WDR41: variants seen among roughly 807,000 people sequenced by gnomAD.
The protein encoded by WDR41 is WD repeat-containing protein 41.
A neutral mutation model predicts 69.3 loss-of-function variants in WDR41; 63 were observed. The observed-to-expected ratio is 0.91, with a 90% CI of 0.74 to 1.12. The LOEUF is 1.12. Ranked by LOEUF, WDR41 falls within the 50% of genes most tolerant of loss-of-function variation. WDR41 has a pLI of 0.00. For synonymous variants in WDR41, 185 were observed against 192.1 expected (o/e 0.96, Z 0.31); for missense variants, 543 against 534.5 (o/e 1.02, Z -0.16).
At chr5:77,517,687 G>C (rs2112184864) in intron 1 of WDR41, among the ~76,000 whole-genome samples, 1 of 149,450 alleles carries the variant, frequency 6.7e-6, no homozygotes, top group Non-Finnish European at 1.5e-5. Context: ...AGCGGAAAGA[G>C]AAAAAGGATG....
chr5:77,571,894 A>G (rs1293166954), intron 1 of WDR41, among the ~76,000 whole-genome samples: 1 of 152,164 alleles, frequency 6.6e-6, no homozygotes, highest in Non-Finnish European at 1.5e-5. Flanking sequence ...AAAGGGGGAA[A>G]GTGTTTTTCC....
intron 4 of WDR41, among the ~76,000 whole-genome samples, 163 bp from the exon 5 acceptor site, chr5:77,459,287 G>A (rs1243373695): frequency 6.6e-6 from 1 of 152,040 alleles, no homozygotes; most frequent in Non-Finnish European, 1.5e-5. Context: ...TTCATATAGT[G>A]AGTCATCAAC....
intron 1 of WDR41, among the ~76,000 whole-genome samples, chr5:77,601,928 T>A (rs556971656): frequency 1.3e-5 from 2 of 152,344 alleles, no homozygotes; most frequent in Non-Finnish European, 2.9e-5. Flanking sequence ...TTTGAATCCA[T>A]TAGCTCAAGT....
At chr5:77,447,264 T>C (rs145614068) in intron 8 of WDR41, among the ~76,000 whole-genome samples, 2,590 of 152,216 alleles carry the variant, frequency 0.017, 66 homozygotes, top group African/African-American at 0.056. Context: ...CAGGAAACCA[T>C]AGATGCTGAC....
intron 1 of WDR41, among the ~76,000 whole-genome samples, chr5:77,517,631 C>CGTATATATATATATATATATAT (rs1279821785): frequency 5.0e-5 from 7 of 141,138 alleles, no homozygotes; most frequent in African/African-American, 1.9e-4. Context: ...ATTTATTGAA[C>CGTATATATATATATATATATAT]ATATATATAT....
chr5:77,531,944 TA>T (rs1271407820), intron 1 of WDR41, among the ~76,000 whole-genome samples: 1 of 151,922 alleles, frequency 6.6e-6, no homozygotes, highest in Non-Finnish European at 1.5e-5. Context: ...TGCCAGGGAC[TA>T]GGGGGAGGGA....
At chr5:77,564,799 C>G (rs1473704723) in intron 1 of WDR41, among the ~76,000 whole-genome samples, 1 of 152,132 alleles carries the variant, frequency 6.6e-6, no homozygotes, top group East Asian at 1.9e-4. Context: ...AGAATATGCA[C>G]TGTTAAGTGA....
intron 1 of WDR41, among the ~76,000 whole-genome samples, chr5:77,569,711 G>A (rs1024538932): frequency 1.3e-5 from 2 of 152,140 alleles, no homozygotes; most frequent in African/African-American, 2.4e-5. Flanking sequence ...TGTAAATGTC[G>A]TATATAATAG....
chr5:77,472,072 A>G (rs1027350557), intron 2 of WDR41, among the ~76,000 whole-genome samples: 1 of 152,218 alleles, frequency 6.6e-6, no homozygotes, highest in Non-Finnish European at 1.5e-5. Flanking sequence ...AAGCTTATCC[A>G]CCATGATCAA....
At chr5:77,514,620 A>G (rs528610259) in intron 1 of WDR41, among the ~76,000 whole-genome samples, 1 of 152,172 alleles carries the variant, frequency 6.6e-6, no homozygotes, top group African/African-American at 2.4e-5. Context: ...CAAATAGAGT[A>G]ATGGTCAGTT....
chr5:77,498,671 T>G (rs1204983717), intron 1 of WDR41, among the ~76,000 whole-genome samples: 1 of 151,822 alleles, frequency 6.6e-6, no homozygotes, highest in Non-Finnish European at 1.5e-5. Context: ...GTTTTAAAAT[T>G]AACCGAGCAT....
intron 1 of WDR41, among the ~76,000 whole-genome samples, chr5:77,560,548 G>A (rs1203361234): frequency 1.3e-5 from 2 of 152,046 alleles, no homozygotes; most frequent in Non-Finnish European, 2.9e-5. Context: ...TGAAAAGCCA[G>A]AGTTTTTAAA....
chr5:77,477,973 TA>T (rs1436094354), intron 2 of WDR41, among the ~76,000 whole-genome samples: 2 of 150,670 alleles, frequency 1.3e-5, no homozygotes, highest in South Asian at 4.2e-4. Flanking sequence ...ATAGATGCAA[TA>T]AAAAATGATA....
At chr5:77,465,845 C>A (rs1338720600) in intron 2 of WDR41, among the ~76,000 whole-genome samples, 1 of 151,552 alleles carries the variant, frequency 6.6e-6, no homozygotes, top group Non-Finnish European at 1.5e-5. Context: ...GGATTTTTTA[C>A]CCCTTTATGA....
chr5:77,505,383 C>G (rs1262236036), intron 1 of WDR41, among the ~76,000 whole-genome samples: 3 of 152,048 alleles, frequency 2.0e-5, no homozygotes, highest in Non-Finnish European at 2.9e-5. Flanking sequence ...AAAGAGGATA[C>G]AAACAAATGG....
intron 1 of WDR41, among the ~76,000 whole-genome samples, chr5:77,498,861 T>C (rs1471498256): frequency 2.0e-5 from 3 of 151,350 alleles, no homozygotes; most frequent in East Asian, 1.9e-4. Context: ...GAAAAAACCA[T>C]TGTGACTTTT....
At chr5:77,489,373 G>T (rs1044186820) in intron 2 of WDR41, 84 bp downstream of exon 2, 2 of 717,842 alleles carry the variant, frequency 2.8e-6, no homozygotes, top group Non-Finnish European at 2.2e-6. Flanking sequence ...TAGAAAAGAT[G>T]TATTAATTTT....
chr5:77,524,724 A>G (rs201179168), intron 1 of WDR41, among the ~76,000 whole-genome samples: 1 of 152,066 alleles, frequency 6.6e-6, no homozygotes, highest in African/African-American at 2.4e-5. Flanking sequence ...CCGCAGAACC[A>G]CAGCCTATCT....
At chr5:77,434,527 A>G (rs1388273029) in intron 12 of WDR41, among the ~76,000 whole-genome samples, 1 of 151,924 alleles carries the variant, frequency 6.6e-6, no homozygotes, top group Admixed American at 6.6e-5. Context: ...CAACATGGTG[A>G]CACCCCATCT....
Sources: gnomAD v4.1 joint callset for allele counts (sites outside exome capture counted in the v4.1 genomes callset) on GRCh38, gnomAD v4.1.1 for gene constraint, MANE v1.5 for transcripts, NCBI Gene and HGNC (gene_info 2026-07-23, HGNC 2026-07-21) for gene names.